The following MKS1 variants were observed in gnomAD, a reference collection of about 807,000 sequenced individuals.
The protein encoded by MKS1 is tectonic-like complex member MKS1.
A neutral mutation model predicts 83.7 loss-of-function variants in MKS1; 70 were observed. The observed-to-expected ratio is 0.84, with a 90% confidence interval of 0.69 to 1.02. MKS1 has a LOEUF of 1.02. Ranked by LOEUF, MKS1 falls within the 50% of genes least tolerant of loss-of-function variation. The pLI, the probability that MKS1 is intolerant of heterozygous loss-of-function variation, is 0.00. For synonymous variants in MKS1, 251 were observed against 273.4 expected, an observed-to-expected ratio of 0.92 and a Z score of 0.81; for missense variants, 681 against 726.9, an observed-to-expected ratio of 0.94 and a Z score of 0.73.
At chr17:58,207,746 G>T in intron 14 of MKS1, 148 bp downstream of exon 14, 1 of 794,954 alleles carries the variant, frequency 1.3e-6, no homozygotes, top group Non-Finnish European at 2.1e-6. Context: ...GAGGGGGGCA[G>T]AAAGTCCTCA....
At position 58,219,247 on chromosome 17, in the gene MKS1, C is replaced by T; in HGVS notation, c.-17G>A. ...CTCCGCCATGACAGCTGCGACGCGC[C>T]GCGACTGCGCCGGAAAGCGCGCCGC... On this transcript the variant is annotated 5_prime_UTR_variant, in exon 1 of 18. Transcript: ENST00000393119. The T allele has an allele frequency of 1.3e-6, 2 of 1,549,542 alleles. No homozygotes were observed. The highest frequency in any genetic ancestry group is 2.0e-5 in the Admixed American group (1 of 50,998).
chr17:58,218,507 G>T, intron 2 of MKS1, 113 bp downstream of exon 2: 1 of 549,520 alleles, frequency 1.8e-6, no homozygotes, highest in Non-Finnish European at 3.4e-6. Context: ...AGGTTGCCGG[G>T]CAACTCTATA....
In MKS1 at chr17:58,208,143, G is replaced by A. The variant is rs200350173; in HGVS notation, c.1127C>T (p.Thr376Met). The change falls in exon 13 of 18, where the codon ACG becomes ATG. Residue 376 changes from threonine to methionine, a missense_variant. Coordinates refer to ENST00000393119, the MANE Select transcript of MKS1 (RefSeq NM_017777.4). ...DKVAHFSYPF[T>M]FEAFFLHEDE... ...CTCATGGAGGAAGAAGGCTTCAAAC[G>A]TGAATGGGTAGGAGAAGTGAGCCAC... 5.6e-6 allele frequency: 9 copies of A among 1,613,730 alleles called. No homozygotes were observed. The highest frequency in any genetic ancestry group is 1.6e-4 in the Middle Eastern group (1 of 6,084).
rs972224115 is a variant in MKS1 at position 58,206,003 on chromosome 17, C to T, written c.*76G>A. 2.6e-5 allele frequency: 40 copies of T among 1,548,952 alleles called. No homozygotes were observed. The highest frequency in any genetic ancestry group is 4.9e-5 in the East Asian group (2 of 41,212). On this transcript the variant is annotated 3_prime_UTR_variant, in exon 18 of 18. Transcript: ENST00000393119. ...CCAACGTGGTCTCTAATCAGAAAGA[C>T]GAAGAGGCAGGAGAGCACTGGCCTC...
In MKS1 at chr17:58,212,333, C is replaced by T. The variant is rs1009391731; in HGVS notation, c.915+45G>A. 17 of 1,608,536 alleles carry T rather than the reference C, an allele frequency of 1.1e-5. No individual in the cohort carries two copies. The South Asian group carries it at 1.2e-4, about 11-fold the overall frequency. On this transcript the variant is annotated intron_variant, in intron 9 of 17. Coordinates refer to ENST00000393119, the MANE Select transcript of MKS1 (RefSeq NM_017777.4). ...TAACTCATCCACAGTCAGAATGCTC[C>T]GGCTAAACACAGCTCACAGTGCTGC...
chr17:58,214,591 G>T, intron 5 of MKS1, 150 bp downstream of exon 5: 1 of 1,026,890 alleles, frequency 9.7e-7, no homozygotes, highest in Non-Finnish European at 1.3e-6. Flanking sequence ...GAAGAGTGAG[G>T]AAGATATTTT....
chr17:58,208,635 A>C (rs766715501), intron 11 of MKS1, 52 bp from the exon 12 acceptor site: 3 of 1,511,876 alleles, frequency 2.0e-6, no homozygotes, highest in Non-Finnish European at 2.8e-6. Context: ...AAAGCAAGTC[A>C]TTCAGAAAAA....
chr17:58,219,034 C>A, intron 1 of MKS1, 117 bp downstream of exon 1: 1 of 1,410,346 alleles, frequency 7.1e-7, no homozygotes, highest in South Asian at 1.3e-5. Context: ...AGTGGGGAGC[C>A]CGGAGAAGTG....
rs1314729770 is a variant in MKS1, at chr17:58,217,754, T to C, written c.190+866A>G. Among the ~76,000 whole-genome samples, 11 of 152,240 alleles carry C rather than the reference T, an allele frequency of 7.2e-5. No homozygotes were observed. The East Asian group carries it at 1.7e-3, about 24-fold the overall frequency. On this transcript the variant is annotated intron_variant, in intron 2 of 17. Coordinates refer to ENST00000393119, the MANE Select transcript of MKS1 (RefSeq NM_017777.4). ...TGGGAGACCAAGGTTTACAGTGAGC[T>C]ATGATCATACCACTGCACTCCAGCC... is the stretch of plus-strand genomic sequence containing the variant.
At chr17:58,211,727 T>A (rs1032568478) in intron 9 of MKS1, among the ~76,000 whole-genome samples, 6 of 81,664 alleles carry the variant, frequency 7.3e-5, no homozygotes, top group Non-Finnish European at 9.2e-5. Context: ...CATGCCTTGC[T>A]AATTTTTTTT....
rs16942833 is a variant in MKS1, at chr17:58,218,769, A to C, written c.81-40T>G. On this transcript the variant is annotated intron_variant, in intron 1 of 17. Transcript: ENST00000393119. ...CCAAAATATTCGTTACCAGACACGC[A>C]ACCAGGAGATGAACACAAAGCAAGG... The C allele has an allele frequency of 3.6e-3, 5,514 of 1,518,362 alleles. 137 individuals carry two copies. In the African/African-American group the frequency reaches 0.063, roughly 17 times the overall value. 94.1% of individuals were successfully genotyped at this position (1,518,362 alleles called of 1,614,324 possible).
intron 15 of MKS1, 175 bp downstream of exon 15, chr17:58,206,910 T>C (rs529961927): frequency 1.2e-6 from 1 of 847,964 alleles, no homozygotes. Context: ...GATAGCAGTG[T>C]AGATATTGGA....
chr17:58,206,097 A>G lies in MKS1; in HGVS notation c.1662T>C (p.Ser554=). Reference sequence around the variant, plus strand: ...CTGTGAGCTAGGAGACCAGGGTTCCAGAGGGGCTCACTAGGTCCTGCGGGA... The same window carrying G: ...CTGTGAGCTAGGAGACCAGGGTTCCGGAGGGGCTCACTAGGTCCTGCGGGA... The part of the protein sequence containing the change: ...ESLPQDLVSP[S]GTLVS Residue 554 remains serine (S), a synonymous_variant, in exon 18 of 18, where the codon TCT becomes TCC. Coordinates refer to ENST00000393119, the MANE Select transcript of MKS1 (RefSeq NM_017777.4). 3.1e-6 allele frequency: 5 copies of G among 1,612,550 alleles called. No individual in the cohort carries two copies. The highest frequency in any genetic ancestry group is 4.2e-6 in the Non-Finnish European group (5 of 1,179,568).
At position 58,216,702 on chromosome 17, in the gene MKS1, C is replaced by A. The variant is rs775351056; in HGVS notation, c.225G>T (p.Glu75Asp). The change falls in exon 3 of 18, where the codon GAG becomes GAT. Residue 75 changes from glutamate to aspartate, a missense_variant. Physicochemically the swap from Glu to Asp is conservative, Grantham distance 45. This residue lies in a region of MKS1 where 365 missense variants were observed against 383.8 expected (regional missense o/e 0.95). Coordinates refer to ENST00000393119, the MANE Select transcript of MKS1 (RefSeq NM_017777.4). ...GCTTCTCCTGCCACCCAATCACAAT[C>A]TCCTCCTCTTCGTCTTCCTCTGGGC... ...GHRPEEDEEE[E>D]IVIGWQEKLF... 3 of 1,614,096 alleles carry A rather than the reference C, an allele frequency of 1.9e-6. No individual in the cohort carries two copies. The highest frequency in any genetic ancestry group is 2.5e-6 in the Non-Finnish European group (3 of 1,180,038).
intron 2 of MKS1, among the ~76,000 whole-genome samples, chr17:58,217,472 G>A (rs1037969674): frequency 6.6e-6 from 1 of 152,216 alleles, no homozygotes; most frequent in Non-Finnish European, 1.5e-5. Flanking sequence ...AGGAGACCAA[G>A]TGTAAGGAGA....
intron 14 of MKS1, 49 bp downstream of exon 14, chr17:58,207,845 T>C (rs753796681): frequency 1.9e-5 from 29 of 1,506,978 alleles, no homozygotes; most frequent in Non-Finnish European, 2.6e-5. Flanking sequence ...AGTCTTGTTC[T>C]TAGGGCCTAG....
At position 58,216,719 on chromosome 17, in the gene MKS1, C is replaced by T. The variant is rs750702019; in HGVS notation, c.208G>A (p.Glu70Lys). The change falls in exon 3 of 18, where the codon GAA becomes AAA. Residue 70 changes from glutamate to lysine, a missense_variant. By Grantham distance (56) the Glu-to-Lys change is moderately conservative. Coordinates refer to ENST00000393119, the MANE Select transcript of MKS1 (RefSeq NM_017777.4). Reference sequence around the variant, plus strand: ...ATCACAATCTCCTCCTCTTCGTCTTCCTCTGGGCGGTGTCCACCTCCAAAG... The same window carrying T: ...ATCACAATCTCCTCCTCTTCGTCTTTCTCTGGGCGGTGTCCACCTCCAAAG... ...QPTASGHRPE[E>K]DEEEEIVIGW... The T allele has an allele frequency of 1.2e-6, 2 of 1,614,068 alleles. No individual in the cohort carries two copies.
intron 1 of MKS1, 128 bp downstream of exon 1, chr17:58,219,023 A>T: frequency 7.5e-7 from 1 of 1,338,840 alleles, no homozygotes; most frequent in South Asian, 1.4e-5. Flanking sequence ...ATAGTGAAAG[A>T]AGTGGGGAGC....
In MKS1 at chr17:58,205,960, T is replaced by C. The variant is rs1185512460; in HGVS notation, c.*119A>G. 2.6e-6 allele frequency: 4 copies of C among 1,527,878 alleles called. No homozygotes were observed. The East Asian group carries it at 9.8e-5, about 38-fold the overall frequency. The allele number at this position is 1,527,878 out of a possible 1,614,324, so 94.6% of individuals were successfully genotyped here. A position where few individuals can be genotyped will look rare whatever the true frequency, so the allele number is the denominator to read the frequency against. On this transcript the variant is annotated 3_prime_UTR_variant, in exon 18 of 18. Transcript: ENST00000393119. ...GGGGCCAGCCGGGAATTTCCCAGCTTTTCTGGTTCTCAGCAGACCAACGTG... is the reference window on the plus strand; with the variant it reads ...GGGGCCAGCCGGGAATTTCCCAGCTCTTCTGGTTCTCAGCAGACCAACGTG...
Sources: gnomAD v4.1 joint callset for allele counts (sites outside exome capture counted in the v4.1 genomes callset) on GRCh38, gnomAD v4.1.1 for gene constraint, gnomAD v4.1.1 regional missense constraint, MANE v1.5 for transcripts, NCBI Gene and HGNC (gene_info 2026-07-23, HGNC 2026-07-21) for gene names.